Variants in SLC38A6 observed in about 807,000 individuals in gnomAD.
SLC38A6 encodes the protein N system amino acid transporter NAT-1.
A neutral mutation model predicts 65.0 loss-of-function variants in SLC38A6; 73 were observed. That is an observed-to-expected ratio of 1.12 (90% CI 0.93 to 1.37). SLC38A6 has a LOEUF of 1.37. SLC38A6 is among the 40% of genes most tolerant of loss of function. SLC38A6 has a pLI of 0.00. For missense variants in SLC38A6, 561 were observed against 531.1 expected (o/e 1.06, Z -0.55); for synonymous variants, 183 against 178.8 (o/e 1.02, Z -0.19).
At chr14:60,995,398 A>G (rs1017456816) in intron 3 of SLC38A6, among the ~76,000 whole-genome samples, 1 of 152,238 alleles carries the variant, frequency 6.6e-6, no homozygotes, top group African/African-American at 2.4e-5. Flanking sequence ...TCTCACATTC[A>G]TGTGGAATCT....
exon 16 of SLC38A6, chr14:61,078,909 A>G: frequency 5.7e-6 from 1 of 175,272 alleles, no homozygotes; most frequent in Non-Finnish European, 1.2e-5. Flanking sequence ...CTCAGCCTCC[A>G]GAGTAGCTGA....
rs117507222 is a variant in SLC38A6 at position 61,022,910 on chromosome 14, T to C, written c.403+3330T>C. On this transcript the variant is annotated intron_variant, in intron 5 of 15. Transcript: ENST00000267488. Reference sequence around the variant, plus strand: ...AATGAAGCTTGGATTCAAACCTTGCTCAGTTGGCCTTTATTCTTTCTGCTA... The same window carrying C: ...AATGAAGCTTGGATTCAAACCTTGCCCAGTTGGCCTTTATTCTTTCTGCTA... 1.8e-3 allele frequency among the ~76,000 whole-genome samples: 270 copies of C among 152,342 alleles called. No homozygotes were observed. The East Asian group carries it at 0.029, about 16-fold the overall frequency.
intron 8 of SLC38A6, among the ~76,000 whole-genome samples, chr14:61,040,486 C>T (rs2041729211): frequency 1.3e-5 from 2 of 151,980 alleles, no homozygotes; most frequent in Non-Finnish European, 2.9e-5. Flanking sequence ...ACCATAGGCA[C>T]CCGCCACCAC....
Position 61,015,973 on chromosome 14 carries a change from C to T in SLC38A6, c.363+17C>T, listed in dbSNP as rs1392228888. ...CCTGGAAAGGTAATTTTTTTTCCTC[C>T]TCATTGTGTCCAAAACCCAAAGTGG... On this transcript the variant is annotated intron_variant, in intron 4 of 15. Transcript: ENST00000267488. The T allele has an allele frequency of 6.3e-7, 1 of 1,596,358 alleles. No homozygotes were observed. Among genetic ancestry groups the T allele is most frequent in the Non-Finnish European group, 8.5e-7 (1 of 1,172,350 alleles).
intron 6 of SLC38A6, chr14:61,034,081 A>G (rs1031691200): frequency 9.9e-5 from 15 of 152,150 alleles, no homozygotes; most frequent in Non-Finnish European, 2.2e-4. Context: ...CTAACATTCC[A>G]TAACTGTGAT....
chr14:61,074,898 C>T (rs998015071), intron 15 of SLC38A6, among the ~76,000 whole-genome samples: 9 of 151,308 alleles, frequency 5.9e-5, no homozygotes, highest in Non-Finnish European at 7.4e-5. Context: ...TAGGTATGAA[C>T]GGTGAATTCT....
intron 16 of SLC38A6, among the ~76,000 whole-genome samples, chr14:61,083,329 C>G (rs1344081709): frequency 6.6e-6 from 1 of 152,208 alleles, no homozygotes; most frequent in Non-Finnish European, 1.5e-5. Context: ...TTCTGGAAAC[C>G]TCCACCTCCT....
Position 61,052,485 on chromosome 14 carries a change from A to G in SLC38A6, c.*56A>G. ...AATATACCCCTAGTTGCAAGAATGAATTATTCCGGAAGACACCCTGGATGA... is the reference window on the plus strand; with the variant it reads ...AATATACCCCTAGTTGCAAGAATGAGTTATTCCGGAAGACACCCTGGATGA... On this transcript the variant is annotated 3_prime_UTR_variant, in exon 16 of 16. Coordinates refer to ENST00000267488, the MANE Select transcript of SLC38A6 (RefSeq NM_153811.3). 6.6e-7 allele frequency: 1 copy of G among 1,517,218 alleles called. No homozygotes were observed. The highest frequency in any genetic ancestry group is 8.8e-7 in the Non-Finnish European group (1 of 1,140,676). The allele number at this position is 1,517,218 out of a possible 1,614,324, so 94.0% of individuals were successfully genotyped here. A position where few individuals can be genotyped will look rare whatever the true frequency, so the allele number is the denominator to read the frequency against.
chr14:61,015,891 T>C lies in SLC38A6; in HGVS notation c.311-13T>C, dbSNP rs924542375. The C allele has an allele frequency of 1.9e-6, 3 of 1,597,924 alleles. No individual in the cohort carries two copies. Among genetic ancestry groups the C allele is most frequent in the South Asian group, 1.1e-5 (1 of 87,568 alleles). Reference sequence around the variant, plus strand: ...TTTTGTGTAAAAGTGAACATTGTAATTTCTCTTAACAGCTGTAACATCTTA... The same window carrying C: ...TTTTGTGTAAAAGTGAACATTGTAACTTCTCTTAACAGCTGTAACATCTTA... On this transcript the variant is annotated splice_polypyrimidine_tract_variant and intron_variant, in intron 3 of 15. Transcript: ENST00000267488.
chr14:61,040,416 T>C (rs2139758915), intron 8 of SLC38A6, among the ~76,000 whole-genome samples: 1 of 150,126 alleles, frequency 6.7e-6, no homozygotes, highest in South Asian at 2.1e-4. Flanking sequence ...CTCGGCTCAC[T>C]GCAAGCTCCG....
chr14:61,017,665 C>T (rs1484299242), intron 4 of SLC38A6, among the ~76,000 whole-genome samples: 1 of 152,158 alleles, frequency 6.6e-6, no homozygotes, highest in African/African-American at 2.4e-5. Flanking sequence ...TTCATATTTC[C>T]TGCGTTGCTT....
chr14:61,019,635 T>C (rs1022896260), intron 5 of SLC38A6, 55 bp downstream of exon 5: 152 of 1,551,810 alleles, frequency 9.8e-5, no homozygotes, highest in African/African-American at 5.4e-5. Flanking sequence ...ATAATGTCCT[T>C]TGAATTGTTA....
chr14:60,988,149 C>T (rs1454670005), intron 3 of SLC38A6, among the ~76,000 whole-genome samples: 1 of 152,190 alleles, frequency 6.6e-6, no homozygotes, highest in Non-Finnish European at 1.5e-5. Flanking sequence ...TCCTCTGAGG[C>T]TTCCCTGTAG....
At chr14:60,983,119 G>A (rs980113039) in intron 2 of SLC38A6, among the ~76,000 whole-genome samples, 1 of 152,132 alleles carries the variant, frequency 6.6e-6, no homozygotes, top group Non-Finnish European at 1.5e-5. Flanking sequence ...AGGCCAGTTT[G>A]CCCAAAATAG....
intron 3 of SLC38A6, among the ~76,000 whole-genome samples, chr14:61,007,103 C>G (rs2039189001): frequency 6.6e-6 from 1 of 152,100 alleles, no homozygotes; most frequent in Non-Finnish European, 1.5e-5. Context: ...TGTTCTTACT[C>G]ATAGGTGGGA....
intron 1 of SLC38A6, 32 bp downstream of exon 1, chr14:60,981,414 A>G (rs549280102): frequency 1.3e-6 from 2 of 1,558,926 alleles, no homozygotes; most frequent in Admixed American, 3.9e-5. Flanking sequence ...CCCCGCGCTG[A>G]CGCCCTCCGG....
At chr14:61,026,330 A>G (rs1033379247) in intron 5 of SLC38A6, among the ~76,000 whole-genome samples, 2 of 152,136 alleles carry the variant, frequency 1.3e-5, no homozygotes, top group Non-Finnish European at 2.9e-5. Context: ...TCAGAACTAC[A>G]ATCACAGCCG....
chr14:61,003,342 T>C (rs1393601942), intron 3 of SLC38A6, among the ~76,000 whole-genome samples: 1 of 152,144 alleles, frequency 6.6e-6, no homozygotes, highest in Admixed American at 6.5e-5. Flanking sequence ...TTTAAATGGC[T>C]ACATATTATT....
At chr14:61,041,187 T>A (rs1312432077) in intron 8 of SLC38A6, among the ~76,000 whole-genome samples, 1 of 152,158 alleles carries the variant, frequency 6.6e-6, no homozygotes, top group Non-Finnish European at 1.5e-5. Context: ...ACCCCAAGAC[T>A]TACCTTCTTA....
Sources: gnomAD v4.1 joint callset for allele counts (sites outside exome capture counted in the v4.1 genomes callset) on GRCh38, gnomAD v4.1.1 for gene constraint, MANE v1.5 for transcripts, NCBI Gene and HGNC (gene_info 2026-07-23, HGNC 2026-07-21) for gene names.